The following NALF1 variants were observed in gnomAD, a reference collection of about 807,000 sequenced individuals.
NALF1 encodes family with sequence similarity 155 member A.
Under a neutral mutation model 48.4 loss-of-function variants are expected in NALF1, and 3 were observed. The observed-to-expected ratio is 0.06, with a 90% CI of 0.03 to 0.16. The LOEUF is 0.16. Ranked by LOEUF, NALF1 falls within the 10% of genes least tolerant of loss-of-function variation. NALF1 has a pLI of 1.00. For missense variants in NALF1, 526 were observed against 571.5 expected, an observed-to-expected ratio of 0.92 and a Z score of 0.81; for synonymous variants, 262 against 245.7, an observed-to-expected ratio of 1.07 and a Z score of -0.62.
At chr13:107,324,582 T>C (rs941636706) in intron 1 of NALF1, among the ~76,000 whole-genome samples, 4 of 152,122 alleles carry the variant, frequency 2.6e-5, no homozygotes, top group African/African-American at 4.8e-5. Context: ...ATAATATCAT[T>C]GCATAGAGGA....
intron 1 of NALF1, among the ~76,000 whole-genome samples, chr13:107,345,297 GA>G (rs1882752579): frequency 6.6e-6 from 1 of 152,024 alleles, no homozygotes; most frequent in African/African-American, 2.4e-5. Context: ...TACAGAAACA[GA>G]AAAAAATTCT....
chr13:107,763,285 A>G (rs1271708923), intron 1 of NALF1, among the ~76,000 whole-genome samples: 1 of 149,268 alleles, frequency 6.7e-6, no homozygotes, highest in East Asian at 2.1e-4. Flanking sequence ...TCAAACTTTA[A>G]TGGGTAAAAA....
At chr13:107,565,951 C>A (rs1021005226) in intron 1 of NALF1, among the ~76,000 whole-genome samples, 1 of 152,150 alleles carries the variant, frequency 6.6e-6, no homozygotes, top group Non-Finnish European at 1.5e-5. Flanking sequence ...TGTTCCCAGT[C>A]CCCAAAGCAG....
chr13:107,855,696 A>G (rs186440499), intron 1 of NALF1, among the ~76,000 whole-genome samples: 85 of 152,338 alleles, frequency 5.6e-4, no homozygotes, highest in Admixed American at 4.2e-3. Flanking sequence ...CAAGAGATTA[A>G]GAGCCAGGTG....
At chr13:107,782,202 T>C (rs947239541) in intron 1 of NALF1, among the ~76,000 whole-genome samples, 23 of 152,344 alleles carry the variant, frequency 1.5e-4, no homozygotes, top group East Asian at 7.7e-4. Flanking sequence ...TGCAGGCGCG[T>C]GCCGCCACGC....
intron 1 of NALF1, among the ~76,000 whole-genome samples, chr13:107,635,955 C>T (rs148281246): frequency 1.0e-3 from 153 of 152,060 alleles, no homozygotes; most frequent in Non-Finnish European, 1.8e-3. Flanking sequence ...AGAAAAATCA[C>T]ATAAGTGAGC....
chr13:107,624,727 G>A (rs1019330565), intron 1 of NALF1, among the ~76,000 whole-genome samples: 3 of 152,202 alleles, frequency 2.0e-5, no homozygotes, highest in African/African-American at 4.8e-5. Flanking sequence ...AACGGCCTTT[G>A]CCATGTAGCT....
intron 1 of NALF1, among the ~76,000 whole-genome samples, chr13:107,562,314 G>T (rs1877670825): frequency 6.6e-6 from 1 of 152,126 alleles, no homozygotes; most frequent in Non-Finnish European, 1.5e-5. Flanking sequence ...TTATTTCTAA[G>T]AGAAACGACA....
intron 1 of NALF1, among the ~76,000 whole-genome samples, chr13:107,532,403 A>T (rs1409283713): frequency 6.6e-6 from 1 of 152,080 alleles, no homozygotes; most frequent in African/African-American, 2.4e-5. Flanking sequence ...TATGAAGAAA[A>T]ATCATTCATT....
In NALF1 at chr13:107,362,454, G is replaced by A. The variant is rs1326826300; in HGVS notation, c.916-151699C>T. ...CTGACTTTGGAGGTATCAGGCAATC[G>A]GTGACATCTCTTGATTTGCAGCTGC... On this transcript the variant is annotated intron_variant, in intron 1 of 2. Transcript: ENST00000375915. The surrounding 1 kb of genome is among the most constrained non-coding windows in gnomAD (Gnocchi z 4.6). Among the ~76,000 whole-genome samples, 1 of 151,998 alleles carries A rather than the reference G, an allele frequency of 6.6e-6. No homozygotes were observed. Among genetic ancestry groups the A allele is most frequent in the African/African-American group, 2.4e-5 (1 of 41,366 alleles).
At chr13:107,766,817 C>T (rs1269398675) in intron 1 of NALF1, among the ~76,000 whole-genome samples, 1 of 152,152 alleles carries the variant, frequency 6.6e-6, no homozygotes, top group Non-Finnish European at 1.5e-5. Context: ...ACTGTGGACT[C>T]CTACTTCAGT....
intron 1 of NALF1, among the ~76,000 whole-genome samples, chr13:107,550,133 T>C (rs1877251611): frequency 6.6e-6 from 1 of 152,130 alleles, no homozygotes; most frequent in Non-Finnish European, 1.5e-5. Context: ...TATTGCTACT[T>C]TTGAGGGACT....
intron 1 of NALF1, among the ~76,000 whole-genome samples, chr13:107,393,980 TGTAG>T (rs1883669297): frequency 6.6e-6 from 1 of 152,168 alleles, no homozygotes; most frequent in Admixed American, 6.5e-5. Context: ...ATATAATACC[TGTAG>T]AGATTGGTAG....
chr13:107,288,219 CTT>C lies in NALF1; in HGVS notation c.916-77466_916-77465del, dbSNP rs375800659. ...TTAAGAAATATATATGATCTGAAGA[CTT>C]TTTTTTTTTTTTTTTTGAGACGGAG... On this transcript the variant is annotated intron_variant, in intron 1 of 2. Coordinates refer to ENST00000375915, the MANE Select transcript of NALF1 (RefSeq NM_001080396.3). Among the ~76,000 whole-genome samples the C allele has an allele frequency of 7.0e-4, 88 of 125,090 alleles. No homozygotes were observed. The East Asian group carries it at 8.5e-3, about 12-fold the overall frequency. 82.1% of individuals were successfully genotyped at this position (125,090 alleles called of 152,430 possible).
At chr13:107,461,988 T>G (rs9301230) in intron 1 of NALF1, among the ~76,000 whole-genome samples, 42,069 of 152,064 alleles carry the variant, frequency 0.28, 6,810 homozygotes, top group Middle Eastern at 0.4. Context: ...ATTCACATTC[T>G]TATGTTAAGG....
In NALF1 at chr13:107,612,565, C is replaced by A. The variant is rs1233210192; in HGVS notation, c.915+253117G>T. 2.0e-5 allele frequency among the ~76,000 whole-genome samples: 3 copies of A among 152,116 alleles called. No individual in the cohort carries two copies. In the East Asian group the frequency reaches 5.8e-4, roughly 30 times the overall value. ...GCTGGCCCTCCCTGCTGTGGGTGGG[C>A]CTTGTGCGATCAGTTGAAGATCTCA... is the stretch of plus-strand genomic sequence containing the variant. On this transcript the variant is annotated intron_variant, in intron 1 of 2. Transcript: ENST00000375915.
intron 1 of NALF1, among the ~76,000 whole-genome samples, chr13:107,465,263 T>G (rs1566353504): frequency 6.6e-6 from 1 of 151,874 alleles, no homozygotes; most frequent in Non-Finnish European, 1.5e-5. Context: ...CTTTTTGGTT[T>G]GTTAAATATT....
chr13:107,190,574 C>T (rs1454670830), intron 2 of NALF1, among the ~76,000 whole-genome samples: 4 of 152,034 alleles, frequency 2.6e-5, no homozygotes, highest in Non-Finnish European at 4.4e-5. Flanking sequence ...AAAACAAATG[C>T]TAAAACTTAA....
intron 1 of NALF1, among the ~76,000 whole-genome samples, chr13:107,700,185 T>C (rs1228292252): frequency 6.6e-6 from 1 of 151,336 alleles, no homozygotes; most frequent in East Asian, 1.9e-4. Flanking sequence ...AAAAAAACCC[T>C]GAATAGACAA....
Sources: gnomAD v4.1 joint callset for allele counts (sites outside exome capture counted in the v4.1 genomes callset) on GRCh38, gnomAD v4.1.1 for gene constraint, Gnocchi (gnomAD v3.1) non-coding constraint, MANE v1.5 for transcripts, NCBI Gene and HGNC (gene_info 2026-07-23, HGNC 2026-07-21) for gene names.